The following SIPA1L3 variants were observed in gnomAD, a reference collection of about 807,000 sequenced individuals.
The protein encoded by SIPA1L3 is signal-induced proliferation-associated 1-like protein 3.
Under a neutral mutation model 150.1 loss-of-function variants are expected in SIPA1L3, and 59 were observed. The observed-to-expected ratio is 0.39, with a 90% confidence interval of 0.32 to 0.49. The LOEUF is 0.49. Ranked by LOEUF, SIPA1L3 falls within the 20% of genes least tolerant of loss-of-function variation. The pLI, the probability that SIPA1L3 is intolerant of heterozygous loss-of-function variation, is 0.86. For synonymous variants in SIPA1L3, 1,070 were observed against 1,077.6 expected, an observed-to-expected ratio of 0.99 and a Z score of 0.14; for missense variants, 2,211 against 2,489.5, an observed-to-expected ratio of 0.89 and a Z score of 2.38.
intron 15 of SIPA1L3, among the ~76,000 whole-genome samples, chr19:38,168,228 A>T (rs561155951): frequency 5.0e-4 from 76 of 152,180 alleles, no homozygotes; most frequent in African/African-American, 1.8e-3. Flanking sequence ...CTCTACTAAA[A>T]ATACAAAAAT....
At chr19:37,921,121 A>C (rs2046454089) in intron 1 of SIPA1L3, among the ~76,000 whole-genome samples, 1 of 152,134 alleles carries the variant, frequency 6.6e-6, no homozygotes, top group African/African-American at 2.4e-5. Context: ...GCCCCTTTCC[A>C]GTTCTGACTC....
chr19:38,172,770 G>A (rs572893089), intron 15 of SIPA1L3, among the ~76,000 whole-genome samples: 2 of 152,256 alleles, frequency 1.3e-5, no homozygotes, highest in African/African-American at 4.8e-5. Flanking sequence ...GGACATGGGA[G>A]CCATGGGAGG....
intron 4 of SIPA1L3, among the ~76,000 whole-genome samples, chr19:38,099,643 A>G (rs1263835431): frequency 2.0e-5 from 3 of 152,132 alleles, no homozygotes; most frequent in Non-Finnish European, 2.9e-5. Flanking sequence ...CTCAGCCAGT[A>G]TATGTTGAAC....
At chr19:37,922,853 G>A (rs1333593334) in intron 1 of SIPA1L3, among the ~76,000 whole-genome samples, 1 of 151,306 alleles carries the variant, frequency 6.6e-6, no homozygotes, top group Non-Finnish European at 1.5e-5. Context: ...ACACGGCTGG[G>A]CACGGTGGCT....
At chr19:38,193,890 G>A (rs914116072) in intron 18 of SIPA1L3, 110 bp downstream of exon 18, 62 of 1,236,594 alleles carry the variant, frequency 5.0e-5, no homozygotes, top group African/African-American at 2.1e-4. Context: ...CATCAGTGTC[G>A]GGGCCATCTC....
intron 1 of SIPA1L3, among the ~76,000 whole-genome samples, chr19:38,016,290 G>A (rs1968229696): frequency 2.0e-5 from 3 of 152,138 alleles, no homozygotes; most frequent in Admixed American, 6.6e-5. Context: ...GAGTAATAGC[G>A]TTTCATGCTA....
chr19:37,977,284 C>A (rs1291366962), intron 1 of SIPA1L3, among the ~76,000 whole-genome samples: 1 of 152,084 alleles, frequency 6.6e-6, no homozygotes. Context: ...TCTGCCTCAG[C>A]CTCCCAAGTA....
rs560915917 is a variant in SIPA1L3, at chr19:38,024,685, G to C, written c.-378-4404G>C. On this transcript the variant is annotated intron_variant, in intron 1 of 21. Transcript: ENST00000222345. ...ACGGACAGGGGCTTCAGAATTCTTT[G>C]ACATCTTTGAGACAGGCAGTATTTT... Among the ~76,000 whole-genome samples, 10 of 152,278 alleles carry C rather than the reference G, an allele frequency of 6.6e-5. No homozygotes were observed. The East Asian group carries it at 1.9e-3, about 29-fold the overall frequency.
intron 10 of SIPA1L3, among the ~76,000 whole-genome samples, chr19:38,139,595 GAC>G (rs780172802): frequency 6.6e-6 from 1 of 152,202 alleles, no homozygotes; most frequent in Non-Finnish European, 1.5e-5. Flanking sequence ...ACAGCCAGAA[GAC>G]ACTGCCAAGT....
chr19:38,111,220 T>C (rs1970732742), intron 8 of SIPA1L3, among the ~76,000 whole-genome samples: 1 of 151,900 alleles, frequency 6.6e-6, no homozygotes, highest in Non-Finnish European at 1.5e-5. Flanking sequence ...TTAGTAGAGA[T>C]GGGGTCTCTC....
chr19:38,099,928 A>C (rs1970462401), intron 4 of SIPA1L3, 34 bp from the exon 5 acceptor site: 1 of 1,535,102 alleles, frequency 6.5e-7, no homozygotes, highest in Non-Finnish European at 8.8e-7. Flanking sequence ...AGGTCTCGAG[A>C]GCCCCCTAAC....
At chr19:37,925,871 C>T (rs573531981) in intron 1 of SIPA1L3, among the ~76,000 whole-genome samples, 2 of 152,218 alleles carry the variant, frequency 1.3e-5, no homozygotes, top group South Asian at 4.1e-4. Flanking sequence ...GGATTACAGG[C>T]GTGAGCCATT....
intron 2 of SIPA1L3, among the ~76,000 whole-genome samples, chr19:38,072,015 A>G (rs1264237694): frequency 6.6e-6 from 1 of 152,178 alleles, no homozygotes; most frequent in Non-Finnish European, 1.5e-5. Context: ...GGAGCTGGAG[A>G]TGTTTTCCGC....
Position 38,192,118 on chromosome 19 carries a change from C to T in SIPA1L3, c.4431-27C>T, listed in dbSNP as rs956237921. Reference sequence around the variant, plus strand: ...AAGTGGCTTGAGCCTCCCTGACACCCCTCTGACCCTGACGCTGTCATTCCA... The same window carrying T: ...AAGTGGCTTGAGCCTCCCTGACACCTCTCTGACCCTGACGCTGTCATTCCA... On this transcript the variant is annotated intron_variant, in intron 16 of 21. Transcript: ENST00000222345. The T allele has an allele frequency of 1.9e-6, 3 of 1,576,786 alleles. No individual in the cohort carries two copies. The African/African-American group carries it at 4.1e-5, about 22-fold the overall frequency.
chr19:38,196,554 C>A (rs555490649), intron 18 of SIPA1L3, among the ~76,000 whole-genome samples: 3 of 132,892 alleles, frequency 2.3e-5, no homozygotes, highest in Non-Finnish European at 3.2e-5. Context: ...AGGTCAAGGG[C>A]GGAGCGTGGA....
At chr19:38,185,375 G>C (rs1439187955) in intron 16 of SIPA1L3, 1 of 152,106 alleles carries the variant, frequency 6.6e-6, no homozygotes, top group Non-Finnish European at 1.5e-5. Context: ...GCCCAAGTTG[G>C]GCCCTGCTGA....
chr19:38,166,900 G>A (rs1297986819), intron 15 of SIPA1L3, among the ~76,000 whole-genome samples: 3 of 151,500 alleles, frequency 2.0e-5, no homozygotes, highest in Non-Finnish European at 4.4e-5. Flanking sequence ...ACAGTCCACA[G>A]TAGAATTGTG....
chr19:38,120,298 CA>C (rs10707316), intron 9 of SIPA1L3, among the ~76,000 whole-genome samples: 82,662 of 135,568 alleles, frequency 0.61, 23,836 homozygotes, highest in East Asian at 0.74. Context: ...ACTCTGCCTA[CA>C]AAAAAAAAAA....
chr19:38,133,450 T>C (rs1313182068), intron 10 of SIPA1L3, among the ~76,000 whole-genome samples: 2 of 152,188 alleles, frequency 1.3e-5, no homozygotes, highest in Middle Eastern at 3.2e-3. Flanking sequence ...ACAAGATAAA[T>C]ACAGTTTTCA....
Sources: gnomAD v4.1 joint callset for allele counts (sites outside exome capture counted in the v4.1 genomes callset) on GRCh38, gnomAD v4.1.1 for gene constraint, MANE v1.5 for transcripts, NCBI Gene and HGNC (gene_info 2026-07-23, HGNC 2026-07-21) for gene names.